TARBP1: variants seen among roughly 807,000 people sequenced by gnomAD.
TARBP1 encodes the protein tRNA guanosine 2 -O-methyltransferase TARBP1.
TARBP1 carries 144 observed loss-of-function variants against 178.6 expected under a neutral mutation model. The ratio of observed to expected loss-of-function variants is 0.81; its 90% CI spans 0.70 to 0.93. The LOEUF (loss-of-function observed/expected upper bound fraction) is 0.93, where lower values mean the gene tolerates loss of function less well. Ranked by LOEUF, TARBP1 falls within the 40% of genes least tolerant of loss-of-function variation. The probability of loss-of-function intolerance (pLI) is 0.00; values close to 1 mark genes in which losing one functional copy is unlikely to be tolerated. For missense variants in TARBP1, 2,067 were observed against 2,011.7 expected, an observed-to-expected ratio of 1.03 and a Z score of -0.53; for synonymous variants, 787 against 781.0, an observed-to-expected ratio of 1.01 and a Z score of -0.13.
chr1:234,448,855 A>C (rs1165746177), intron 10 of TARBP1, among the ~76,000 whole-genome samples: 1 of 152,230 alleles, frequency 6.6e-6, no homozygotes, highest in African/African-American at 2.4e-5. Context: ...AATTTAGAGT[A>C]CAGGAGAAAA....
chr1:234,472,197 G>A (rs1295852901), intron 2 of TARBP1, among the ~76,000 whole-genome samples: 1 of 151,734 alleles, frequency 6.6e-6, no homozygotes, highest in Non-Finnish European at 1.5e-5. Context: ...ATTAGCCAGT[G>A]TCGTGGCTGT....
rs182133280 is a variant in TARBP1, at chr1:234,476,266, T to G, written c.931+1907A>C. On this transcript the variant is annotated intron_variant, in intron 1 of 29. Coordinates refer to ENST00000040877, the MANE Select transcript of TARBP1 (RefSeq NM_005646.4). The stretch of plus-strand genomic sequence containing the variant: ...CATAAAGGAGCATTTGATGGAATTA[T>G]CAGACAAACAAGACCTTAAAAAAAT... Among the ~76,000 whole-genome samples the G allele has an allele frequency of 2.8e-4, 43 of 152,290 alleles. No homozygotes were observed. The East Asian group carries it at 6.0e-3, about 21-fold the overall frequency.
chr1:234,467,416 T>C (rs1449477464), intron 4 of TARBP1, 86 bp downstream of exon 4: 2 of 1,264,098 alleles, frequency 1.6e-6, no homozygotes, highest in Non-Finnish European at 2.1e-6. Flanking sequence ...ATCTCCAAAA[T>C]GTTACTTGCT....
chr1:234,434,980 C>T (rs1302160954), intron 13 of TARBP1, among the ~76,000 whole-genome samples: 2 of 152,134 alleles, frequency 1.3e-5, no homozygotes, highest in African/African-American at 4.8e-5. Context: ...AAGAAAAATA[C>T]AGTTTGGAAA....
chr1:234,438,656 A>G (rs1377327406), intron 12 of TARBP1, among the ~76,000 whole-genome samples: 1 of 152,186 alleles, frequency 6.6e-6, no homozygotes, highest in Non-Finnish European at 1.5e-5. Context: ...AATAACAACG[A>G]TCTTATTTTT....
At chr1:234,475,724 T>C (rs1052466264) in intron 1 of TARBP1, among the ~76,000 whole-genome samples, 1 of 152,172 alleles carries the variant, frequency 6.6e-6, no homozygotes, top group Non-Finnish European at 1.5e-5. Context: ...GCCTCATCTC[T>C]TGCACCAGGG....
intron 13 of TARBP1, among the ~76,000 whole-genome samples, chr1:234,435,698 G>C (rs370481921): frequency 2.6e-5 from 4 of 152,174 alleles, no homozygotes; most frequent in Admixed American, 2.6e-4. Flanking sequence ...AGCATATAGC[G>C]TAAGTCCATA....
chr1:234,422,424 C>T (rs1014696884), intron 20 of TARBP1, among the ~76,000 whole-genome samples: 7 of 152,196 alleles, frequency 4.6e-5, no homozygotes, highest in Non-Finnish European at 1.0e-4. Context: ...GAGATCCTGT[C>T]ATCTGCAACA....
Position 234,479,107 on chromosome 1 carries a change from C to T in TARBP1, c.-4G>A, listed in dbSNP as rs771645739. On this transcript the variant is annotated 5_prime_UTR_variant, in exon 1 of 30. Coordinates refer to ENST00000040877, the MANE Select transcript of TARBP1 (RefSeq NM_005646.4). Reference sequence around the variant, plus strand: ...CTTCCGCGAGCACCCACTCCATTTGCCGAGCGCCCGCGCCACCGGCCCGGG... The same window carrying T: ...CTTCCGCGAGCACCCACTCCATTTGTCGAGCGCCCGCGCCACCGGCCCGGG... 7.2e-6 allele frequency: 11 copies of T among 1,527,620 alleles called. No individual in the cohort carries two copies. Among genetic ancestry groups the T allele is most frequent in the South Asian group, 2.4e-5 (2 of 83,872 alleles). 94.6% of individuals were successfully genotyped at this position (1,527,620 alleles called of 1,614,324 possible). A position where few individuals can be genotyped will look rare whatever the true frequency, so the allele number is the denominator to read the frequency against.
intron 21 of TARBP1, among the ~76,000 whole-genome samples, chr1:234,419,014 T>C (rs1662761688): frequency 6.6e-6 from 1 of 151,616 alleles, no homozygotes; most frequent in Non-Finnish European, 1.5e-5. Flanking sequence ...CTACTAAAAA[T>C]ACAAAAAATT....
intron 29 of TARBP1, 43 bp downstream of exon 29, chr1:234,392,373 C>T (rs766092903): frequency 2.5e-6 from 4 of 1,591,894 alleles, no homozygotes; most frequent in Non-Finnish European, 2.6e-6. Context: ...TTCCAGTAGT[C>T]TGGGGCTCAG....
rs1327979551 is a variant in TARBP1 at position 234,469,077 on chromosome 1, TAAAAAAAA to T, written c.1100-1435_1100-1428del. ...GTTTTTGCCTTTTTTTTTTTTTTTTTAAAAAAAAAAAAAAGGCAAAAACCGCAACGACT... is the reference window on the plus strand; with the variant it reads ...GTTTTTGCCTTTTTTTTTTTTTTTTTAAAAAAGGCAAAAACCGCAACGACT... On this transcript the variant is annotated intron_variant, in intron 3 of 29. Coordinates refer to ENST00000040877, the MANE Select transcript of TARBP1 (RefSeq NM_005646.4). 2.4e-4 allele frequency among the ~76,000 whole-genome samples: 15 copies of T among 63,764 alleles called. 1 individual carries two copies. Among genetic ancestry groups the T allele is most frequent in the African/African-American group, 6.1e-4 (10 of 16,430 alleles). 41.8% of individuals were successfully genotyped at this position (63,764 alleles called of 152,430 possible). A position where few individuals can be genotyped will look rare whatever the true frequency, so the allele number is the denominator to read the frequency against.
intron 26 of TARBP1, among the ~76,000 whole-genome samples, chr1:234,396,360 C>T (rs1337483714): frequency 6.6e-6 from 1 of 152,192 alleles, no homozygotes. Flanking sequence ...CTTCCTTTTC[C>T]AGTAAAGCTC....
At chr1:234,455,353 A>T (rs1458456638) in intron 9 of TARBP1, among the ~76,000 whole-genome samples, 2 of 152,174 alleles carry the variant, frequency 1.3e-5, no homozygotes, top group Non-Finnish European at 2.9e-5. Context: ...CCTGCAGACT[A>T]TTCATTTATT....
chr1:234,414,590 C>T (rs1662207674), intron 22 of TARBP1, among the ~76,000 whole-genome samples: 1 of 152,182 alleles, frequency 6.6e-6, no homozygotes, highest in South Asian at 2.1e-4. Flanking sequence ...TGACCACTGA[C>T]TCGTCAGTCA....
chr1:234,395,888 T>C (rs895353733), intron 26 of TARBP1, among the ~76,000 whole-genome samples: 5 of 152,192 alleles, frequency 3.3e-5, no homozygotes, highest in South Asian at 2.1e-4. Flanking sequence ...CAATAATGTA[T>C]GTATACTTCC....
intron 12 of TARBP1, 109 bp from the exon 13 acceptor site, chr1:234,437,481 C>T: frequency 1.9e-6 from 1 of 539,406 alleles, no homozygotes; most frequent in Non-Finnish European, 3.4e-6. Flanking sequence ...GAATCACTTG[C>T]CAAAAATAAA....
At chr1:234,418,772 CT>C (rs1662716332) in intron 21 of TARBP1, among the ~76,000 whole-genome samples, 1 of 152,256 alleles carries the variant, frequency 6.6e-6, no homozygotes, top group Non-Finnish European at 1.5e-5. Flanking sequence ...CCAAAATCAT[CT>C]TTCCCTCTTC....
intron 26 of TARBP1, among the ~76,000 whole-genome samples, chr1:234,396,645 A>G (rs1659962852): frequency 6.6e-6 from 1 of 152,122 alleles, no homozygotes; most frequent in Non-Finnish European, 1.5e-5. Flanking sequence ...TTAGGATAGT[A>G]TGTCTTAAAA....
Sources: gnomAD v4.1 joint callset for allele counts (sites outside exome capture counted in the v4.1 genomes callset) on GRCh38, gnomAD v4.1.1 for gene constraint, MANE v1.5 for transcripts, NCBI Gene and HGNC (gene_info 2026-07-23, HGNC 2026-07-21) for gene names.